The following ARHGAP11B variants were observed in gnomAD, a reference collection of about 807,000 sequenced individuals.
ARHGAP11B encodes the protein inactive Rho GTPase-activating protein 11B.
A neutral mutation model predicts 27.6 loss-of-function variants in ARHGAP11B; 14 were observed. The ratio of observed to expected loss-of-function variants is 0.51; its 90% CI spans 0.34 to 0.79. The LOEUF (loss-of-function observed/expected upper bound fraction) is 0.79. Ranked by LOEUF, ARHGAP11B falls within the 30% of genes least tolerant of loss-of-function variation. The pLI is 0.02. For synonymous variants in ARHGAP11B, 82 were observed against 114.1 expected (o/e 0.72, Z 1.80); for missense variants, 245 against 320.1 (o/e 0.77, Z 1.79).
At chr15:30,631,787 C>CTTTTTTTTTTTTTTTT (rs765025486) in intron 2 of ARHGAP11B, among the ~76,000 whole-genome samples, 2 of 139,676 alleles carry the variant, frequency 1.4e-5, no homozygotes, top group Non-Finnish European at 1.6e-5. Flanking sequence ...ACCTTTTGTT[C>CTTTTTTTTTTTTTTTT]TTTTTTTTTT....
intron 1 of ARHGAP11B, among the ~76,000 whole-genome samples, chr15:30,627,905 G>A (rs1595669460): frequency 6.6e-6 from 1 of 151,890 alleles, no homozygotes; most frequent in Non-Finnish European, 1.5e-5. Context: ...CTTTGGAGAA[G>A]TTATTTTTGT....
intron 2 of ARHGAP11B, among the ~76,000 whole-genome samples, chr15:30,631,702 C>A (rs534095790): frequency 6.6e-6 from 1 of 152,108 alleles, no homozygotes; most frequent in African/African-American, 2.4e-5. Context: ...AATATTTAAG[C>A]TAAGATATTA....
chr15:30,646,468 A>G (rs2060348642), intron 9 of ARHGAP11B, among the ~76,000 whole-genome samples: 1 of 152,048 alleles, frequency 6.6e-6, no homozygotes, highest in Non-Finnish European at 1.5e-5. Context: ...AGATGAGAGT[A>G]GATGGTGATT....
In ARHGAP11B at chr15:30,646,172, C is replaced by CTCGCAGA. The variant is rs2060346438; in HGVS notation, c.*205_*211dup. On this transcript the variant is annotated 3_prime_UTR_variant, in exon 9 of 11. Transcript: ENST00000428041. ...GGAATGACTTTTTGTAACAAGTGTG[C>CTCGCAGA]TCGCAGATCGACTCCAGTGAGAAGA... 4 of 1,069,314 alleles carry CTCGCAGA rather than the reference C, an allele frequency of 3.7e-6. No homozygotes were observed. The East Asian group carries it at 2.6e-4, about 70-fold the overall frequency. 66.2% of individuals were successfully genotyped at this position (1,069,314 alleles called of 1,614,324 possible).
At chr15:30,630,105 T>G (rs1252847521) in intron 1 of ARHGAP11B, among the ~76,000 whole-genome samples, 1 of 152,156 alleles carries the variant, frequency 6.6e-6, no homozygotes, top group Admixed American at 6.5e-5. Context: ...AAGTTTGACT[T>G]AAATATTTGC....
intron 2 of ARHGAP11B, among the ~76,000 whole-genome samples, chr15:30,632,044 C>T (rs1309819311): frequency 1.4e-5 from 2 of 147,170 alleles, no homozygotes. Flanking sequence ...CTTCAGCCTC[C>T]CAAAGTGCTA....
chr15:30,635,488 G>A lies in ARHGAP11B; in HGVS notation c.662G>A (p.Gly221Asp), dbSNP rs752862558. The change falls in exon 6 of 11, where the codon GGC becomes GAC. Residue 221 changes from glycine (G) to aspartate (D), a missense_variant and splice_region_variant. Gly to Asp is a moderately conservative substitution (Grantham distance 94, BLOSUM62 -1). Coordinates refer to ENST00000428041, the Ensembl canonical transcript of ARHGAP11B. Reference sequence around the variant, plus strand: ...TTACTTGTGAACATTTTCATTTAGGGCGTGTACCAGACTTTATCCTGGAAA... The same window carrying A: ...TTACTTGTGAACATTTTCATTTAGGACGTGTACCAGACTTTATCCTGGAAA... 1.9e-5 allele frequency: 31 copies of A among 1,613,124 alleles called. 1 individual carries two copies. The African/African-American group carries it at 3.9e-4, about 20-fold the overall frequency.
At chr15:30,634,243 T>G (rs761080096) in exon 4 of ARHGAP11B, 14 of 1,612,172 alleles carry the variant, frequency 8.7e-6, no homozygotes, top group African/African-American at 1.3e-5. Context: ...CTTAAGCAGT[T>G]TTTTAGGGAA....
Position 30,635,480 on chromosome 15 carries a change from C to A in ARHGAP11B, c.661-7C>A. The A allele has an allele frequency of 6.2e-7, 1 of 1,612,464 alleles. No individual in the cohort carries two copies. Among genetic ancestry groups the A allele is most frequent in the Non-Finnish European group, 8.5e-7 (1 of 1,179,344 alleles). On this transcript the variant is annotated splice_region_variant and splice_polypyrimidine_tract_variant and intron_variant, in intron 5 of 10. Transcript: ENST00000428041. ...TAATTGTCTTACTTGTGAACATTTT[C>A]ATTTAGGGCGTGTACCAGACTTTAT... is the stretch of plus-strand genomic sequence containing the variant.
At chr15:30,646,647 C>T (rs947646223) in intron 9 of ARHGAP11B, among the ~76,000 whole-genome samples, 1 of 143,914 alleles carries the variant, frequency 6.9e-6, no homozygotes, top group African/African-American at 2.6e-5. Flanking sequence ...TGGGCGACAG[C>T]GAGACTCCGT....
intron 10 of ARHGAP11B, among the ~76,000 whole-genome samples, chr15:30,648,030 C>T (rs1331608023): frequency 1.3e-5 from 2 of 151,972 alleles, no homozygotes; most frequent in Non-Finnish European, 2.9e-5. Flanking sequence ...AACTCCTGGG[C>T]TCAAGTGATT....
intron 7 of ARHGAP11B, among the ~76,000 whole-genome samples, chr15:30,640,005 TG>T (rs1296684260): frequency 3.2e-4 from 48 of 150,838 alleles, no homozygotes; most frequent in Non-Finnish European, 5.3e-4. Flanking sequence ...TGTGTGTGTG[TG>T]TGTGTGTTAT....
chr15:30,635,590 A>G (rs1242439064), exon 6 of ARHGAP11B: 2 of 1,613,320 alleles, frequency 1.2e-6, no homozygotes, highest in African/African-American at 2.7e-5. Flanking sequence ...GTGAATATGA[A>G]ACTCCTGGTG....
chr15:30,627,142 A>G (rs1156598137), intron 1 of ARHGAP11B, among the ~76,000 whole-genome samples, 193 bp downstream of exon 1: 1 of 151,594 alleles, frequency 6.6e-6, no homozygotes, highest in African/African-American at 2.4e-5. Context: ...AGGATTTTTG[A>G]TCATTGAGAG....
chr15:30,629,186 C>T (rs901572348), intron 1 of ARHGAP11B, among the ~76,000 whole-genome samples: 1 of 151,862 alleles, frequency 6.6e-6, no homozygotes, highest in African/African-American at 2.4e-5. Context: ...GTGAGGATAC[C>T]GAGGAACAGA....
chr15:30,646,703 C>T (rs1228606455), intron 9 of ARHGAP11B, among the ~76,000 whole-genome samples: 4 of 149,806 alleles, frequency 2.7e-5, no homozygotes, highest in African/African-American at 9.8e-5. Flanking sequence ...GGCGCAGTGG[C>T]TCATGCCTGT....
chr15:30,646,270 C>A, exon 9 of ARHGAP11B: 1 of 1,003,580 alleles, frequency 1.0e-6, no homozygotes, highest in Non-Finnish European at 1.2e-6. Flanking sequence ...CAGGAGGTGG[C>A]CACCAGGCTT....
exon 1 of ARHGAP11B, chr15:30,626,704 G>A: frequency 6.9e-7 from 1 of 1,450,390 alleles, no homozygotes. Context: ...AGTGCCAGAC[G>A]GGGCCGGAAA....
intron 7 of ARHGAP11B, among the ~76,000 whole-genome samples, chr15:30,642,159 A>T (rs1302678226): frequency 6.6e-6 from 1 of 151,940 alleles, no homozygotes; most frequent in Non-Finnish European, 1.5e-5. Flanking sequence ...TTCCGTTTTC[A>T]TAATTGAAAA....
Sources: allele counts gnomAD v4.1 joint callset (sites outside exome capture counted in the v4.1 genomes callset), GRCh38; gene constraint gnomAD v4.1.1; transcripts MANE v1.5; gene names NCBI Gene and HGNC (gene_info 2026-07-23, HGNC 2026-07-21).